The following UBE2D3 variants were observed in gnomAD, a reference collection of about 807,000 sequenced individuals.
UBE2D3 encodes the protein ubiquitin conjugating enzyme E2 D3, also known as ubiquitin-conjugating enzyme E2 D3.
A neutral mutation model predicts 22.8 loss-of-function variants in UBE2D3; 2 were observed. That is an observed-to-expected ratio of 0.09 (90% confidence interval 0.04 to 0.28). UBE2D3 has a LOEUF of 0.28. Among genes scored for constraint, UBE2D3 ranks in the 10% least tolerant of loss-of-function variants. UBE2D3 has a pLI of 1.00. For missense variants in UBE2D3, 27 were observed against 182.5 expected, an observed-to-expected ratio of 0.15 and a Z score of 4.91; for synonymous variants, 56 against 60.4, an observed-to-expected ratio of 0.93 and a Z score of 0.34.
chr4:102,840,514 T>C (rs1209274964), intron 1 of UBE2D3, among the ~76,000 whole-genome samples: 2 of 152,002 alleles, frequency 1.3e-5, no homozygotes, highest in African/African-American at 4.8e-5. Flanking sequence ...AAGCTAAACA[T>C]GTTGATCTCA....
chr4:102,794,654 A>ACAAT lies in UBE2D3; in HGVS notation c.*2760_*2761insATTG, dbSNP rs994709569. The ACAAT allele has an allele frequency of 6.7e-6, 1 of 149,916 alleles. No individual in the cohort carries two copies. Among genetic ancestry groups the ACAAT allele is most frequent in the African/African-American group, 2.5e-5 (1 of 40,250 alleles). 9.3% of individuals were successfully genotyped at this position (149,916 alleles called of 1,614,324 possible). ...AGTATACTTCAACTAAGCCATTTCA[A>ACAAT]CAAACAAAAAAAAACAAACAAAAAA... On this transcript the variant is annotated 3_prime_UTR_variant, in exon 8 of 8. Transcript: ENST00000453744.
At chr4:102,868,882 C>A, upstream of UBE2D3, 1 of 1,493,670 alleles carries the variant, frequency 6.7e-7, no homozygotes, top group Non-Finnish European at 9.2e-7. Context: ...TCCCGCGCCT[C>A]GGCAGTCCGC....
At chr4:102,824,491 T>A (rs1263797081) in intron 2 of UBE2D3, among the ~76,000 whole-genome samples, 1 of 152,240 alleles carries the variant, frequency 6.6e-6, no homozygotes, top group Non-Finnish European at 1.5e-5. Flanking sequence ...AGGCACACAG[T>A]CATTTATTGT....
At chr4:102,840,833 G>T (rs1377459728) in intron 1 of UBE2D3, among the ~76,000 whole-genome samples, 2 of 151,920 alleles carry the variant, frequency 1.3e-5, no homozygotes, top group Non-Finnish European at 2.9e-5. Context: ...ATTATATATC[G>T]ATTTTTTTAA....
At chr4:102,816,350 T>C (rs1282426036) in intron 2 of UBE2D3, among the ~76,000 whole-genome samples, 1 of 152,234 alleles carries the variant, frequency 6.6e-6, no homozygotes, top group Non-Finnish European at 1.5e-5. Context: ...CCCATAGCTG[T>C]TGACAGGCAC....
At chr4:102,838,939 T>A (rs942445540) in intron 1 of UBE2D3, among the ~76,000 whole-genome samples, 2 of 152,282 alleles carry the variant, frequency 1.3e-5, no homozygotes, top group African/African-American at 4.8e-5. Context: ...ATCAGCTTTT[T>A]AATGGATGAA....
At chr4:102,860,321 G>T (rs1732825996) in intron 1 of UBE2D3, among the ~76,000 whole-genome samples, 1 of 150,916 alleles carries the variant, frequency 6.6e-6, no homozygotes, top group Admixed American at 6.6e-5. Context: ...TTGTTCCTTT[G>T]GTTGTCATGT....
At chr4:102,849,364 CAA>C (rs55874314) in intron 1 of UBE2D3, among the ~76,000 whole-genome samples, 16 of 63,246 alleles carry the variant, frequency 2.5e-4, no homozygotes, top group East Asian at 4.9e-4. Context: ...ACCCCTGTCT[CAA>C]AAAAAAAAAA....
chr4:102,843,554 C>T (rs1731880156), intron 1 of UBE2D3: 1 of 152,204 alleles, frequency 6.6e-6, no homozygotes. Flanking sequence ...ACTTCTCCCT[C>T]AACCCACATA....
At chr4:102,803,919 C>G (rs1227889913) in intron 4 of UBE2D3, among the ~76,000 whole-genome samples, 1 of 152,112 alleles carries the variant, frequency 6.6e-6, no homozygotes, top group South Asian at 2.1e-4. Context: ...CACATATGCA[C>G]CACCACACCC....
At chr4:102,805,995 C>T (rs994410734) in intron 4 of UBE2D3, among the ~76,000 whole-genome samples, 2 of 152,196 alleles carry the variant, frequency 1.3e-5, no homozygotes, top group African/African-American at 4.8e-5. Context: ...TTTATGCCCA[C>T]TGTCACTACC....
At chr4:102,855,571 C>T (rs953366282) in intron 1 of UBE2D3, among the ~76,000 whole-genome samples, 1 of 152,120 alleles carries the variant, frequency 6.6e-6, no homozygotes, top group Non-Finnish European at 1.5e-5. Context: ...CAGGTGTGTG[C>T]CACCACACCC....
upstream of UBE2D3, chr4:102,828,195 C>A (rs1382866590): frequency 1.2e-5 from 12 of 985,290 alleles, no homozygotes; most frequent in Non-Finnish European, 1.4e-5. Context: ...GGTAAGAGCG[C>A]GCGCAGACAC....
chr4:102,801,830 AATTTAAAGGT>A (rs1176789591), intron 5 of UBE2D3: 1 of 245,228 alleles, frequency 4.1e-6, no homozygotes, highest in East Asian at 8.8e-5. Context: ...ATCAAAGGGC[AATTTAAAGGT>A]ATTTAACACA....
chr4:102,808,741 G>T (rs1283680490), intron 4 of UBE2D3, among the ~76,000 whole-genome samples: 1 of 152,018 alleles, frequency 6.6e-6, no homozygotes, highest in East Asian at 1.9e-4. Context: ...TGTTCAATTT[G>T]TATCCTTATT....
At chr4:102,830,824 C>T (rs752621729), upstream of UBE2D3, among the ~76,000 whole-genome samples, 4 of 152,138 alleles carry the variant, frequency 2.6e-5, no homozygotes, top group Non-Finnish European at 5.9e-5. Context: ...TGTGATTGTG[C>T]CACTATACTC....
intron 1 of UBE2D3, among the ~76,000 whole-genome samples, chr4:102,839,641 G>A (rs193168984): frequency 6.6e-6 from 1 of 152,296 alleles, no homozygotes; most frequent in Non-Finnish European, 1.5e-5. Flanking sequence ...TGTTTAGAGT[G>A]ATGTACATAA....
chr4:102,819,862 T>C (rs779877352), intron 2 of UBE2D3, among the ~76,000 whole-genome samples: 7 of 152,240 alleles, frequency 4.6e-5, no homozygotes, highest in Non-Finnish European at 8.8e-5. Context: ...TAAAGGTTAA[T>C]TTCTTGTATT....
At chr4:102,859,755 T>C (rs1179063507) in intron 1 of UBE2D3, among the ~76,000 whole-genome samples, 1 of 151,892 alleles carries the variant, frequency 6.6e-6, no homozygotes, top group Non-Finnish European at 1.5e-5. Context: ...TTCAAGTTCA[T>C]TGATTCTTCC....
Sources: gnomAD v4.1 joint callset for allele counts (sites outside exome capture counted in the v4.1 genomes callset) on GRCh38, gnomAD v4.1.1 for gene constraint, MANE v1.5 for transcripts, NCBI Gene and HGNC (gene_info 2026-07-23, HGNC 2026-07-21) for gene names.